RANBP17: variants seen among roughly 807,000 people sequenced by gnomAD.
RANBP17 encodes the protein RAN binding protein 17, also known as ran-binding protein 17.
In RANBP17, 158 loss-of-function variants were observed where a neutral mutation model predicts 141.2. The ratio of observed to expected loss-of-function variants is 1.12; its 90% CI spans 0.98 to 1.28. RANBP17 has a LOEUF of 1.28. RANBP17 is among the 50% of genes most tolerant of loss of function. RANBP17 has a pLI of 0.00. For missense variants in RANBP17, 1,438 were observed against 1,290.7 expected, an observed-to-expected ratio of 1.11 and a Z score of -1.75; for synonymous variants, 430 against 450.0, an observed-to-expected ratio of 0.96 and a Z score of 0.56.
intron 14 of RANBP17, among the ~76,000 whole-genome samples, chr5:171,025,131 T>G (rs949800796): frequency 1.3e-4 from 20 of 152,206 alleles, no homozygotes; most frequent in South Asian, 1.0e-3. Context: ...TTATAGTTCT[T>G]TCTGTGCTTC....
At chr5:170,958,296 T>G (rs1201911386) in intron 13 of RANBP17, among the ~76,000 whole-genome samples, 1 of 152,206 alleles carries the variant, frequency 6.6e-6, no homozygotes, top group Non-Finnish European at 1.5e-5. Context: ...TAATTGGTCC[T>G]GTTAGAGTTA....
intron 14 of RANBP17, among the ~76,000 whole-genome samples, chr5:171,131,395 C>A (rs1180376025): frequency 6.6e-6 from 1 of 152,170 alleles, no homozygotes; most frequent in Non-Finnish European, 1.5e-5. Flanking sequence ...TAGCTCACTG[C>A]TACTGTATTG....
intron 14 of RANBP17, among the ~76,000 whole-genome samples, chr5:171,146,331 ATTGTG>A (rs1429221621): frequency 1.3e-5 from 2 of 152,246 alleles, no homozygotes; most frequent in Non-Finnish European, 2.9e-5. Flanking sequence ...AATGCTGTTT[ATTGTG>A]TGACTTCTAC....
At chr5:171,041,609 C>G (rs998129606) in intron 14 of RANBP17, among the ~76,000 whole-genome samples, 3 of 152,128 alleles carry the variant, frequency 2.0e-5, no homozygotes, top group Non-Finnish European at 4.4e-5. Context: ...GTGGTATAGC[C>G]TATTGCTCCT....
chr5:171,109,657 C>T (rs992398905), intron 14 of RANBP17, among the ~76,000 whole-genome samples: 5 of 152,072 alleles, frequency 3.3e-5, no homozygotes, highest in Non-Finnish European at 7.4e-5. Context: ...AATGTAAATG[C>T]TACGTAAATA....
intron 18 of RANBP17, among the ~76,000 whole-genome samples, chr5:171,190,261 T>C (rs570361122): frequency 6.6e-6 from 1 of 152,332 alleles, no homozygotes; most frequent in Non-Finnish European, 1.5e-5. Flanking sequence ...ATTTGCACTT[T>C]GTATGAATTT....
At chr5:170,880,432 C>G (rs1768562670) in intron 2 of RANBP17, among the ~76,000 whole-genome samples, 1 of 152,126 alleles carries the variant, frequency 6.6e-6, no homozygotes, top group South Asian at 2.1e-4. Context: ...ACTTTGGCTG[C>G]TGTAATAAAA....
intron 14 of RANBP17, among the ~76,000 whole-genome samples, chr5:171,021,996 A>T (rs10475973): frequency 6.6e-6 from 1 of 151,742 alleles, no homozygotes; most frequent in South Asian, 2.1e-4. Flanking sequence ...CTGTTGTTGC[A>T]TTGTTTGTTT....
chr5:171,055,907 A>AAAAAAAC (rs1783330228), intron 14 of RANBP17, among the ~76,000 whole-genome samples: 1 of 141,718 alleles, frequency 7.1e-6, no homozygotes, highest in African/African-American at 2.5e-5. Flanking sequence ...CAAAAAAAAA[A>AAAAAAAC]ACATTCTTAT....
At chr5:170,936,590 A>G (rs2127467726) in intron 12 of RANBP17, among the ~76,000 whole-genome samples, 1 of 152,298 alleles carries the variant, frequency 6.6e-6, no homozygotes, top group African/African-American at 2.4e-5. Flanking sequence ...GTCAAGTATC[A>G]TTTTGTGTGA....
At chr5:171,267,026 CTTTT>C (rs35762251) in intron 25 of RANBP17, among the ~76,000 whole-genome samples, 1 of 114,620 alleles carries the variant, frequency 8.7e-6, no homozygotes, top group Non-Finnish European at 1.7e-5. Context: ...ATTTTCTTTT[CTTTT>C]TTTTTTTTTT....
At chr5:170,992,264 C>CT (rs1778558689) in intron 14 of RANBP17, among the ~76,000 whole-genome samples, 1 of 152,098 alleles carries the variant, frequency 6.6e-6, no homozygotes, top group South Asian at 2.1e-4. Context: ...GCTATTAACT[C>CT]TATCTGTGAC....
chr5:171,102,742 T>G (rs1787259599), intron 14 of RANBP17, among the ~76,000 whole-genome samples: 1 of 152,166 alleles, frequency 6.6e-6, no homozygotes, highest in South Asian at 2.1e-4. Flanking sequence ...TTTGTCTACC[T>G]TTGGTCTTCG....
chr5:171,095,592 G>T (rs1786630780), intron 14 of RANBP17, among the ~76,000 whole-genome samples: 1 of 152,204 alleles, frequency 6.6e-6, no homozygotes, highest in Non-Finnish European at 1.5e-5. Context: ...ATTCAGAATG[G>T]TTATAGTAGT....
chr5:171,257,361 T>C (rs1042478809), intron 24 of RANBP17, among the ~76,000 whole-genome samples: 1 of 152,104 alleles, frequency 6.6e-6, no homozygotes, highest in Non-Finnish European at 1.5e-5. Context: ...AAATCCAGCA[T>C]CCTTCCTGAC....
intron 3 of RANBP17, among the ~76,000 whole-genome samples, chr5:170,884,652 A>G (rs1049763858): frequency 1.3e-5 from 2 of 152,078 alleles, no homozygotes; most frequent in African/African-American, 4.8e-5. Flanking sequence ...ATGGAAATAC[A>G]TTGTAATTTC....
At chr5:171,040,424 T>TC (rs1391210495) in intron 14 of RANBP17, among the ~76,000 whole-genome samples, 5 of 152,202 alleles carry the variant, frequency 3.3e-5, no homozygotes, top group Admixed American at 6.6e-5. Context: ...AAATAGGTTT[T>TC]CCATTTATTT....
At chr5:171,250,864 CACT>C (rs1765512990) in intron 24 of RANBP17, among the ~76,000 whole-genome samples, 1 of 152,162 alleles carries the variant, frequency 6.6e-6, no homozygotes, top group Admixed American at 6.5e-5. Flanking sequence ...TGAAGAGACA[CACT>C]ACAATATAAT....
chr5:171,096,763 A>G (rs905955655), intron 14 of RANBP17, among the ~76,000 whole-genome samples: 1 of 152,172 alleles, frequency 6.6e-6, no homozygotes, highest in African/African-American at 2.4e-5. Context: ...ATCTGTATGT[A>G]AAGAAGGAGC....
Sources: allele counts gnomAD v4.1 joint callset (sites outside exome capture counted in the v4.1 genomes callset), GRCh38; gene constraint gnomAD v4.1.1; transcripts MANE v1.5; gene names NCBI Gene and HGNC (gene_info 2026-07-23, HGNC 2026-07-21).